The following ABCC4 variants were observed in gnomAD, a reference collection of about 807,000 sequenced individuals.
ABCC4 encodes ATP-binding cassette sub-family C member 4.
A neutral mutation model predicts 168.5 loss-of-function variants in ABCC4; 102 were observed. The observed-to-expected ratio is 0.61, with a 90% CI of 0.52 to 0.71. The LOEUF (loss-of-function observed/expected upper bound fraction) is 0.71, where lower values mean the gene tolerates loss of function less well. Ranked by LOEUF, ABCC4 falls within the 30% of genes least tolerant of loss-of-function variation. The pLI, the probability that ABCC4 is intolerant of heterozygous loss-of-function variation, is 0.00. For missense variants in ABCC4, 1,402 were observed against 1,605.8 expected (o/e 0.87, Z 2.17); for synonymous variants, 617 against 590.7 (o/e 1.04, Z -0.65).
intron 4 of ABCC4, among the ~76,000 whole-genome samples, chr13:95,218,981 GA>G (rs1206905711): frequency 0.046 from 2,441 of 53,352 alleles, 172 homozygotes; most frequent in Middle Eastern, 0.059. Flanking sequence ...AAGAAAGAAA[GA>G]AAGAGTGAGA....
At chr13:95,293,391 C>T (rs913517074) in intron 1 of ABCC4, among the ~76,000 whole-genome samples, 3 of 151,832 alleles carry the variant, frequency 2.0e-5, no homozygotes, top group African/African-American at 7.3e-5. Context: ...CACCCTCACA[C>T]AGCTTTTCCA....
chr13:95,039,674 A>G (rs1051936286), intron 29 of ABCC4, among the ~76,000 whole-genome samples: 2 of 152,230 alleles, frequency 1.3e-5, no homozygotes, highest in Non-Finnish European at 2.9e-5. Flanking sequence ...CATAAGCTCA[A>G]TGAAGATGTG....
intron 19 of ABCC4, among the ~76,000 whole-genome samples, chr13:95,144,809 A>T (rs1163646817): frequency 6.6e-6 from 1 of 152,200 alleles, no homozygotes; most frequent in Non-Finnish European, 1.5e-5. Flanking sequence ...TACTGCCCAG[A>T]GCAATTTACA....
chr13:95,124,712 C>T (rs796280612), intron 19 of ABCC4, among the ~76,000 whole-genome samples: 176 of 16,776 alleles, frequency 0.01, 2 homozygotes, highest in African/African-American at 0.029. Flanking sequence ...CTACTAAAAA[C>T]GAAAAAAAAA....
At chr13:95,295,975 A>C (rs897185322) in intron 1 of ABCC4, among the ~76,000 whole-genome samples, 2 of 151,748 alleles carry the variant, frequency 1.3e-5, no homozygotes, top group Non-Finnish European at 2.9e-5. Flanking sequence ...AAAAAAAAAA[A>C]AAAAACACTT....
chr13:95,209,333 G>A (rs1023771285), intron 6 of ABCC4, 101 bp downstream of exon 6: 2 of 1,347,534 alleles, frequency 1.5e-6, no homozygotes, highest in South Asian at 1.4e-5. Context: ...GCAAGGAAGA[G>A]ATAATAAAAG....
intron 17 of ABCC4, 124 bp downstream of exon 17, chr13:95,163,486 T>C: frequency 1.1e-6 from 1 of 949,630 alleles, no homozygotes. Flanking sequence ...CTAATTTTTC[T>C]TCGGGTAAAC....
At chr13:95,158,780 A>G (rs2036966354) in intron 19 of ABCC4, among the ~76,000 whole-genome samples, 1 of 152,032 alleles carries the variant, frequency 6.6e-6, no homozygotes, top group African/African-American at 2.4e-5. Flanking sequence ...TATTTATATT[A>G]TAAAGCCGGC....
intron 1 of ABCC4, among the ~76,000 whole-genome samples, chr13:95,281,978 G>A (rs773781657): frequency 1.3e-5 from 2 of 152,028 alleles, no homozygotes; most frequent in African/African-American, 2.4e-5. Flanking sequence ...GTGGTAGCAC[G>A]CACCGGTAGT....
At chr13:95,211,706 T>G (rs2038962088) in intron 4 of ABCC4, among the ~76,000 whole-genome samples, 1 of 151,986 alleles carries the variant, frequency 6.6e-6, no homozygotes, top group Non-Finnish European at 1.5e-5. Context: ...TTTTTCAAGT[T>G]AGAGGGAGAA....
At chr13:95,251,062 AC>A (rs1007293590) in intron 1 of ABCC4, among the ~76,000 whole-genome samples, 1 of 152,134 alleles carries the variant, frequency 6.6e-6, no homozygotes, top group African/African-American at 2.4e-5. Context: ...TTCTGGGATT[AC>A]AGGCATGAGC....
chr13:95,257,900 G>A (rs1018902071), intron 1 of ABCC4, among the ~76,000 whole-genome samples: 2 of 152,102 alleles, frequency 1.3e-5, no homozygotes, highest in African/African-American at 2.4e-5. Context: ...ATCTGTCCCT[G>A]GGAAATAAAT....
At chr13:95,220,869 A>C (rs946386912) in intron 4 of ABCC4, among the ~76,000 whole-genome samples, 21 of 152,314 alleles carry the variant, frequency 1.4e-4, no homozygotes, top group Admixed American at 5.2e-4. Context: ...GAGGACTTCA[A>C]AACACATCAG....
intron 19 of ABCC4, among the ~76,000 whole-genome samples, chr13:95,138,357 G>A (rs2036204993): frequency 6.6e-6 from 1 of 152,128 alleles, no homozygotes; most frequent in Admixed American, 6.6e-5. Context: ...TCCTCTTTGG[G>A]AGGTGCTTGG....
intron 1 of ABCC4, among the ~76,000 whole-genome samples, chr13:95,273,920 G>A (rs766162322): frequency 1.3e-5 from 2 of 150,378 alleles, no homozygotes; most frequent in African/African-American, 2.4e-5. Flanking sequence ...GGGTTCACGC[G>A]ATATCTGATG....
chr13:95,119,146 G>A (rs934431359), intron 19 of ABCC4, among the ~76,000 whole-genome samples: 10 of 152,172 alleles, frequency 6.6e-5, no homozygotes, highest in Admixed American at 2.6e-4. Flanking sequence ...CACAATCACA[G>A]TAAATTCTTT....
intron 26 of ABCC4, among the ~76,000 whole-genome samples, 155 bp from the exon 27 acceptor site, chr13:95,053,339 T>G (rs1016905207): frequency 6.6e-6 from 1 of 152,172 alleles, no homozygotes; most frequent in Non-Finnish European, 1.5e-5. Context: ...ACATATCTAT[T>G]AATGTTCCAC....
At chr13:95,212,069 C>A (rs552829850) in intron 4 of ABCC4, among the ~76,000 whole-genome samples, 1 of 150,086 alleles carries the variant, frequency 6.7e-6, no homozygotes, top group South Asian at 2.1e-4. Context: ...CCCAGCTACT[C>A]GGGAGGCTGA....
chr13:95,031,395 G>A (rs1356186185), intron 30 of ABCC4, among the ~76,000 whole-genome samples: 1 of 152,120 alleles, frequency 6.6e-6, no homozygotes, highest in East Asian at 1.9e-4. Context: ...GACACAGAAC[G>A]CTACTTAGGG....
Sources: allele counts gnomAD v4.1 joint callset (sites outside exome capture counted in the v4.1 genomes callset), GRCh38; gene constraint gnomAD v4.1.1; transcripts MANE v1.5; gene names NCBI Gene and HGNC (gene_info 2026-07-23, HGNC 2026-07-21).